The following IFRD1 variants were observed in gnomAD, a reference collection of about 807,000 sequenced individuals.
IFRD1 encodes interferon related developmental regulator 1, also known as interferon-related developmental regulator 1.
Under a neutral mutation model 52.9 loss-of-function variants are expected in IFRD1, and 35 were observed. The observed-to-expected ratio is 0.66, with a 90% CI of 0.51 to 0.88. The LOEUF (loss-of-function observed/expected upper bound fraction) is 0.88. IFRD1 is among the 40% of genes least tolerant of loss of function. IFRD1 has a pLI of 0.00. For synonymous variants in IFRD1, 184 were observed against 188.4 expected, an observed-to-expected ratio of 0.98 and a Z score of 0.19; for missense variants, 517 against 550.8, an observed-to-expected ratio of 0.94 and a Z score of 0.61.
At chr7:112,470,464 G>A (rs1433802388) in intron 9 of IFRD1, among the ~76,000 whole-genome samples, 3 of 152,204 alleles carry the variant, frequency 2.0e-5, no homozygotes, top group African/African-American at 7.2e-5. Flanking sequence ...AAGGTGGTAT[G>A]CCTTGACTAT....
At chr7:112,450,949 G>A in intron 1 of IFRD1, 167 bp downstream of exon 1, 1 of 658,968 alleles carries the variant, frequency 1.5e-6, no homozygotes, top group Non-Finnish European at 2.7e-6. Context: ...CCTGGGCGCT[G>A]CTCCTCGCGC....
chr7:112,472,105 GC>G lies in IFRD1; in HGVS notation c.1042-112del, dbSNP rs1264243285. The G allele has an allele frequency of 4.7e-6, 5 of 1,066,052 alleles. No individual in the cohort carries two copies. In the Admixed American group the frequency reaches 5.1e-5, roughly 11 times the overall value. The allele number at this position is 1,066,052 out of a possible 1,614,324, so 66.0% of individuals were successfully genotyped here. A position where few individuals can be genotyped will look rare whatever the true frequency, so the allele number is the denominator to read the frequency against. The stretch of plus-strand genomic sequence containing the variant: ...CTCAGGTATGGCAGTATCAGTTTAA[GC>G]CATATTGTTCATTTATCTCAGCATG... On this transcript the variant is annotated intron_variant, in intron 9 of 11. Coordinates refer to ENST00000403825, the MANE Select transcript of IFRD1 (RefSeq NM_001550.4).
intron 1 of IFRD1, among the ~76,000 whole-genome samples, chr7:112,430,996 T>A (rs1794535752): frequency 6.6e-6 from 1 of 152,220 alleles, no homozygotes; most frequent in Non-Finnish European, 1.5e-5. Context: ...TCTTGCCTCA[T>A]CCTTCTCCTC....
intron 1 of IFRD1, 71 bp downstream of exon 1, chr7:112,450,853 G>A: frequency 9.4e-7 from 1 of 1,062,564 alleles, no homozygotes; most frequent in East Asian, 2.4e-5. Flanking sequence ...CTTCGGCACG[G>A]TGGGAGTTGT....
In IFRD1 at chr7:112,475,441, C is replaced by T. The variant is rs1245591872; in HGVS notation, c.1278C>T (p.Asn426=). 6.2e-7 allele frequency: 1 copy of T among 1,605,656 alleles called. No individual in the cohort carries two copies. Among genetic ancestry groups the T allele is most frequent in the South Asian group, 1.1e-5 (1 of 90,796 alleles). ...KISRFERHLY[N]SAAFKARTKA... is the part of the protein sequence containing the mutation. The stretch of plus-strand genomic sequence containing the variant: ...TTTTTTCATTTTAGCATTTATATAA[C>T]TCTGCAGCCTTCAAAGCTCGAACCA... Residue 426 remains asparagine (N), a synonymous_variant, in exon 12 of 12, where the codon AAC becomes AAT. Coordinates refer to ENST00000403825, the MANE Select transcript of IFRD1 (RefSeq NM_001550.4).
intron 1 of IFRD1, among the ~76,000 whole-genome samples, chr7:112,453,268 A>G (rs1230778058): frequency 6.6e-6 from 1 of 152,174 alleles, no homozygotes; most frequent in Non-Finnish European, 1.5e-5. Context: ...ATGTCATAGC[A>G]CTTAATTTAA....
chr7:112,446,657 T>C (rs1319075326), upstream of IFRD1, among the ~76,000 whole-genome samples: 5 of 152,144 alleles, frequency 3.3e-5, no homozygotes, highest in East Asian at 9.6e-4. Flanking sequence ...AGGTGTCATT[T>C]AAGCTCAGAT....
At chr7:112,445,175 T>C (rs1444572459) in intron 1 of IFRD1, among the ~76,000 whole-genome samples, 1 of 150,370 alleles carries the variant, frequency 6.7e-6, no homozygotes, top group Non-Finnish European at 1.5e-5. Context: ...CATGCCATTC[T>C]CCTGCCTCAG....
At chr7:112,473,912 A>AC (rs1262939305) in intron 11 of IFRD1, among the ~76,000 whole-genome samples, 2 of 151,284 alleles carry the variant, frequency 1.3e-5, no homozygotes, top group East Asian at 1.9e-4. Context: ...CCCTTGTGCT[A>AC]CCCCCCGCCA....
chr7:112,430,174 T>G (rs1262351355), intron 1 of IFRD1, among the ~76,000 whole-genome samples: 1 of 152,218 alleles, frequency 6.6e-6, no homozygotes, highest in African/African-American at 2.4e-5. Flanking sequence ...AAAATTGTAA[T>G]CAGCAACGTA....
At chr7:112,431,767 G>T (rs1794552484) in intron 1 of IFRD1, among the ~76,000 whole-genome samples, 1 of 152,156 alleles carries the variant, frequency 6.6e-6, no homozygotes, top group Non-Finnish European at 1.5e-5. Flanking sequence ...TTAAAGAAAG[G>T]GGCTACCAAG....
chr7:112,462,004 C>T lies in IFRD1; in HGVS notation c.622C>T (p.Leu208=). The change falls in exon 7 of 12, where the codon CTA becomes TTA. Residue 208 remains leucine (L), a synonymous_variant. Transcript: ENST00000403825. The stretch of plus-strand genomic sequence containing the variant: ...ACTTCATATTCTTATGCATTAGGAA[C>T]TATACTCAACTCTGGAATGTTTGGA... The part of the protein sequence containing the change: ...CFIATDDITE[L]YSTLECLENI... The T allele has an allele frequency of 1.2e-6, 2 of 1,610,004 alleles. No homozygotes were observed. The highest frequency in any genetic ancestry group is 1.7e-6 in the Non-Finnish European group (2 of 1,176,542).
chr7:112,452,094 A>G (rs1795180166), intron 1 of IFRD1: 1 of 982,886 alleles, frequency 1.0e-6, no homozygotes, highest in Non-Finnish European at 1.2e-6. Flanking sequence ...TTCATTCTTT[A>G]TCAAGATGTA....
chr7:112,425,554 T>C (rs1038280948), intron 1 of IFRD1, among the ~76,000 whole-genome samples: 6 of 152,194 alleles, frequency 3.9e-5, no homozygotes, highest in African/African-American at 1.4e-4. Flanking sequence ...CAGGGGCTGT[T>C]GGACCTCTGA....
intron 1 of IFRD1, among the ~76,000 whole-genome samples, chr7:112,435,234 A>C (rs780203905): frequency 7.9e-5 from 12 of 152,148 alleles, no homozygotes; most frequent in Non-Finnish European, 1.6e-4. Context: ...ACACAAAACC[A>C]CCCGCGGACA....
chr7:112,450,669 G>C lies in IFRD1; in HGVS notation c.-20G>C. The C allele has an allele frequency of 6.3e-7, 1 of 1,595,282 alleles. No individual in the cohort carries two copies. Among genetic ancestry groups the C allele is most frequent in the African/African-American group, 1.3e-5 (1 of 74,752 alleles). ...GATCCTCGCTAAGCTCCGACTCTGG[G>C]CGGCACCGGGCGTCCCACGATGCCG... On this transcript the variant is annotated 5_prime_UTR_variant, in exon 1 of 12. Coordinates refer to ENST00000403825, the MANE Select transcript of IFRD1 (RefSeq NM_001550.4).
In IFRD1 at chr7:112,468,126, T is replaced by G. The variant is rs774367926; in HGVS notation, c.1041+11T>G. 1 of 1,613,242 alleles carries G rather than the reference T, an allele frequency of 6.2e-7. No homozygotes were observed. Among genetic ancestry groups the G allele is most frequent in the Non-Finnish European group, 8.5e-7 (1 of 1,179,274 alleles). Reference sequence around the variant, plus strand: ...CTGAGGGCAGTGGAGGTAGGCTTCTTAAATGCTGTAATAGCTTCTCATTTT... The same window carrying G: ...CTGAGGGCAGTGGAGGTAGGCTTCTGAAATGCTGTAATAGCTTCTCATTTT... On this transcript the variant is annotated intron_variant, in intron 9 of 11. Transcript: ENST00000403825.
intron 1 of IFRD1, among the ~76,000 whole-genome samples, chr7:112,442,432 A>C (rs1794913826): frequency 6.6e-6 from 1 of 152,236 alleles, no homozygotes; most frequent in African/African-American, 2.4e-5. Flanking sequence ...TTTTATGACA[A>C]TCCAGTGACA....
intron 1 of IFRD1, among the ~76,000 whole-genome samples, chr7:112,429,183 C>G (rs1794493781): frequency 6.6e-6 from 1 of 152,102 alleles, no homozygotes; most frequent in African/African-American, 2.4e-5. Context: ...TGTTTTTATC[C>G]CAATTGTGGC....
Sources: allele counts gnomAD v4.1 joint callset (sites outside exome capture counted in the v4.1 genomes callset), GRCh38; gene constraint gnomAD v4.1.1; transcripts MANE v1.5; gene names NCBI Gene and HGNC (gene_info 2026-07-23, HGNC 2026-07-21).